UVSSA: variants seen among roughly 807,000 people sequenced by gnomAD.
UVSSA encodes UV-stimulated scaffold protein A.
UVSSA carries 72 observed loss-of-function variants against 73.9 expected under a neutral mutation model. The ratio of observed to expected loss-of-function variants is 0.97; its 90% confidence interval spans 0.81 to 1.19. UVSSA has a LOEUF of 1.19. UVSSA is among the 50% of genes most tolerant of loss of function. The probability of loss-of-function intolerance (pLI) is 0.00; values close to 1 mark genes in which losing one functional copy is unlikely to be tolerated. For missense variants in UVSSA, 1,150 were observed against 965.0 expected (o/e 1.19, Z -2.54); for synonymous variants, 454 against 391.3 (o/e 1.16, Z -1.89).
At position 1,376,179 on chromosome 4, in the gene UVSSA, A is replaced by G. The variant is rs2109270229; in HGVS notation, c.1568+11A>G. The stretch of plus-strand genomic sequence containing the variant: ...CGGGAAGATTGTCAAGTGAGTCCCC[A>G]TGTGTCTGAAGTCGGCCAGGGCACA... On this transcript the variant is annotated intron_variant, in intron 10 of 13. Transcript: ENST00000389851. 2 of 1,604,800 alleles carry G rather than the reference A, an allele frequency of 1.2e-6. No individual in the cohort carries two copies. Among genetic ancestry groups the G allele is most frequent in the Non-Finnish European group, 8.5e-7 (1 of 1,174,974 alleles).
At chr4:1,343,913 A>T (rs1713517515), upstream of UVSSA, among the ~76,000 whole-genome samples, 1 of 152,210 alleles carries the variant, frequency 6.6e-6, no homozygotes, top group African/African-American at 2.4e-5. Flanking sequence ...GTCATAATTC[A>T]TGCAGCTTTT....
chr4:1,393,685 C>G (rs1285196551), exon 14 of UVSSA: 1 of 152,706 alleles, frequency 6.5e-6, no homozygotes, highest in East Asian at 1.9e-4. Flanking sequence ...GGGGAAGTTC[C>G]TATTGATGAC....
chr4:1,356,347 C>CG (rs1177850928), intron 7 of UVSSA, among the ~76,000 whole-genome samples: 2 of 152,136 alleles, frequency 1.3e-5, no homozygotes, highest in Non-Finnish European at 2.9e-5. Flanking sequence ...TCAGTGGCCC[C>CG]GCGTCCCCAA....
intron 2 of UVSSA, 118 bp from the exon 3 acceptor site, chr4:1,349,406 G>T: frequency 1.0e-6 from 1 of 959,274 alleles, no homozygotes; most frequent in South Asian, 1.7e-5. Context: ...GGAGAATGAA[G>T]ATGGGAAGGC....
At position 1,353,072 on chromosome 4, in the gene UVSSA, G is replaced by C; in HGVS notation, c.593G>C (p.Ser198Thr). 1 of 1,612,878 alleles carries C rather than the reference G, an allele frequency of 6.2e-7. No individual in the cohort carries two copies. Among genetic ancestry groups the C allele is most frequent in the Non-Finnish European group, 8.5e-7 (1 of 1,179,928 alleles). ...GAATCCTGCTTGACGGAGGTAGAGAGCTGCTTTAGGCTGCTGGTGCCTTTT... is the reference window on the plus strand; with the variant it reads ...GAATCCTGCTTGACGGAGGTAGAGACCTGCTTTAGGCTGCTGGTGCCTTTT... ...EIESCLTEVE[S>T]CFRLLVPFDF... Residue 198 changes from serine (S) to threonine (T), a missense_variant, in exon 5 of 14, where the codon AGC (serine) becomes ACC (threonine). Coordinates refer to ENST00000389851, the MANE Select transcript of UVSSA (RefSeq NM_020894.4).
intron 8 of UVSSA, among the ~76,000 whole-genome samples, chr4:1,367,766 C>T (rs1717520296): frequency 6.6e-6 from 1 of 152,160 alleles, no homozygotes; most frequent in Non-Finnish European, 1.5e-5. Context: ...GCACGCCTCT[C>T]CCCACCACCG....
chr4:1,355,265 G>T lies in UVSSA; in HGVS notation c.1176+20G>T. 1 of 1,597,834 alleles carries T rather than the reference G, an allele frequency of 6.3e-7. No homozygotes were observed. Among genetic ancestry groups the T allele is most frequent in the Non-Finnish European group, 8.5e-7 (1 of 1,172,492 alleles). On this transcript the variant is annotated intron_variant, in intron 7 of 13. Transcript: ENST00000389851. ...CGCAGGGTGAGTGGGCAGGCGGCGA[G>T]CGGGAAGGGGTCCCAGAGGCCTCAG...
intron 7 of UVSSA, among the ~76,000 whole-genome samples, chr4:1,362,643 C>CT (rs1436414855): frequency 6.6e-6 from 1 of 152,340 alleles, no homozygotes; most frequent in East Asian, 1.9e-4. Flanking sequence ...CTCAGCAGGG[C>CT]TTGCAGACCC....
At chr4:1,368,981 T>C (rs937222790) in intron 8 of UVSSA, among the ~76,000 whole-genome samples, 2 of 151,938 alleles carry the variant, frequency 1.3e-5, no homozygotes, top group African/African-American at 2.4e-5. Flanking sequence ...GAGGGGAGGG[T>C]GCCTTAGACC....
At chr4:1,380,262 G>T in intron 11 of UVSSA, 32 bp downstream of exon 11, 1 of 1,595,830 alleles carries the variant, frequency 6.3e-7, no homozygotes, top group Non-Finnish European at 8.6e-7. Context: ...GGGGGTGGGT[G>T]TGGGCTGGAC....
intron 8 of UVSSA, among the ~76,000 whole-genome samples, chr4:1,370,446 C>A (rs1250118039): frequency 6.6e-6 from 1 of 152,274 alleles, no homozygotes; most frequent in Non-Finnish European, 1.5e-5. Flanking sequence ...CCGTCCCCAT[C>A]ACCTGCTCTG....
At chr4:1,382,846 G>A (rs1383409532) in intron 12 of UVSSA, among the ~76,000 whole-genome samples, 11 of 152,342 alleles carry the variant, frequency 7.2e-5, no homozygotes, top group East Asian at 5.8e-4. Flanking sequence ...GGCTCAGCTC[G>A]TGGGGTCCTG....
At chr4:1,377,415 C>T (rs1045435054) in intron 10 of UVSSA, among the ~76,000 whole-genome samples, 5 of 152,164 alleles carry the variant, frequency 3.3e-5, no homozygotes, top group African/African-American at 7.2e-5. Context: ...CAGACACCGC[C>T]CCTAGTGGGG....
chr4:1,353,778 C>A (rs1033085096), intron 5 of UVSSA, among the ~76,000 whole-genome samples: 1 of 152,188 alleles, frequency 6.6e-6, no homozygotes, highest in African/African-American at 2.4e-5. Flanking sequence ...CCTGGGCAGG[C>A]TGTGTGGGCA....
chr4:1,394,857 G>A lies in UVSSA; in HGVS notation c.*8896G>A, dbSNP rs763178753. 1.4e-5 allele frequency: 21 copies of A among 1,532,374 alleles called. No homozygotes were observed. In the African/African-American group the frequency reaches 1.6e-4, roughly 12 times the overall value. The allele number at this position is 1,532,374 out of a possible 1,614,324, so 94.9% of individuals were successfully genotyped here. ...GCTCACGTGCCCATGTGGAGTGCCC[G>A]CCTGCTCACACGTGCCGATGCGGAG... is the stretch of plus-strand genomic sequence containing the variant. On this transcript the variant is annotated 3_prime_UTR_variant, in exon 14 of 14. Transcript: ENST00000511216.
chr4:1,353,773 G>A (rs1188449060), intron 5 of UVSSA, among the ~76,000 whole-genome samples: 2 of 152,194 alleles, frequency 1.3e-5, no homozygotes, highest in African/African-American at 4.8e-5. Context: ...GGATCCCTGG[G>A]CAGGCTGTGT....
intron 2 of UVSSA, among the ~76,000 whole-genome samples, chr4:1,349,283 A>G (rs1358008790): frequency 2.0e-5 from 3 of 152,184 alleles, no homozygotes; most frequent in Non-Finnish European, 4.4e-5. Context: ...TTCACCAAGT[A>G]TTTTTTGTTT....
chr4:1,355,207 G>GAGCT lies in UVSSA; in HGVS notation c.1139_1142dup (p.Asp382AlafsTer6). 6.2e-7 allele frequency: 1 copy of GAGCT among 1,613,412 alleles called. No individual in the cohort carries two copies. The highest frequency in any genetic ancestry group is 8.5e-7 in the Non-Finnish European group (1 of 1,179,778). ...GGAGCTCGTACTGAGAAAATACAAG[G>GAGCT]AGCTGGACATCGAGCCTGAGGGAGG... is the stretch of plus-strand genomic sequence containing the variant. On this transcript the variant is annotated frameshift_variant, in exon 7 of 14. Transcript: ENST00000389851. LOFTEE classifies it high-confidence loss of function.
Position 1,366,328 on chromosome 4 carries a change from C to T in UVSSA, c.1185C>T (p.Ala395=), listed in dbSNP as rs759880179. The change falls in exon 8 of 14, where the codon GCC becomes GCT. Residue 395 remains alanine (A), a synonymous_variant. Transcript: ENST00000389851. ...GGGGTGTTTTTCCACAGACAGAAGC[C>T]CTGGGGGATGCGGAGGAAGATGAGG... ...PEGGERRRTE[A]LGDAEEDEDD... is the part of the protein sequence containing the mutation. 8 of 1,611,810 alleles carry T rather than the reference C, an allele frequency of 5.0e-6. No individual in the cohort carries two copies. The highest frequency in any genetic ancestry group is 6.8e-6 in the Non-Finnish European group (8 of 1,178,814).
Sources: gnomAD v4.1 joint callset for allele counts (sites outside exome capture counted in the v4.1 genomes callset) on GRCh38, gnomAD v4.1.1 for gene constraint, MANE v1.5 for transcripts, NCBI Gene and HGNC (gene_info 2026-07-23, HGNC 2026-07-21) for gene names.